KCNIP1: variants seen among roughly 807,000 people sequenced by gnomAD.
KCNIP1 encodes the protein A-type potassium channel modulatory protein KCNIP1.
KCNIP1 carries 18 observed loss-of-function variants against 33.0 expected under a neutral mutation model. That is an observed-to-expected ratio of 0.55 (90% CI 0.38 to 0.81). The LOEUF (loss-of-function observed/expected upper bound fraction) is 0.81. Ranked by LOEUF, KCNIP1 falls within the 30% of genes least tolerant of loss-of-function variation. The pLI is 0.00. For synonymous variants in KCNIP1, 93 were observed against 98.3 expected, an observed-to-expected ratio of 0.95 and a Z score of 0.32; for missense variants, 238 against 271.6, an observed-to-expected ratio of 0.88 and a Z score of 0.87.
At chr5:170,671,020 T>C (rs1484814786) in intron 1 of KCNIP1, among the ~76,000 whole-genome samples, 3 of 152,126 alleles carry the variant, frequency 2.0e-5, no homozygotes, top group Non-Finnish European at 2.9e-5. Flanking sequence ...TGTGGTCCTT[T>C]AGGCATTAAC....
At chr5:170,551,552 G>T (rs1756634822) in intron 1 of KCNIP1, among the ~76,000 whole-genome samples, 1 of 152,222 alleles carries the variant, frequency 6.6e-6, no homozygotes, top group Non-Finnish European at 1.5e-5. Context: ...GAATCCAGAT[G>T]AGTCTGAAAG....
chr5:170,354,135 A>T (rs1024294109), intron 1 of KCNIP1, among the ~76,000 whole-genome samples: 1 of 152,178 alleles, frequency 6.6e-6, no homozygotes, highest in Admixed American at 6.5e-5. Flanking sequence ...GGCTTTGAGT[A>T]GGCGGGCACC....
At chr5:170,483,007 T>TA (rs1204033632) in intron 1 of KCNIP1, 1 of 437,456 alleles carries the variant, frequency 2.3e-6, no homozygotes, top group Non-Finnish European at 4.5e-6. Flanking sequence ...AATTTTAAAT[T>TA]AAAGTATGAG....
intron 1 of KCNIP1, among the ~76,000 whole-genome samples, chr5:170,483,573 G>A (rs771762094): frequency 1.3e-5 from 2 of 152,150 alleles, no homozygotes; most frequent in Non-Finnish European, 2.9e-5. Flanking sequence ...GTTCCAGATG[G>A]TTGGGACAAC....
At chr5:170,428,667 C>T (rs536081222) in intron 1 of KCNIP1, among the ~76,000 whole-genome samples, 12 of 152,180 alleles carry the variant, frequency 7.9e-5, no homozygotes, top group Non-Finnish European at 1.0e-4. Context: ...CATAGCCTCA[C>T]GAAACCACCT....
chr5:170,359,825 A>G (rs1478611252), intron 1 of KCNIP1, among the ~76,000 whole-genome samples: 4 of 152,166 alleles, frequency 2.6e-5, no homozygotes, highest in Admixed American at 1.3e-4. Context: ...TAGGGTCTCC[A>G]TAGTCCCACA....
At chr5:170,579,373 T>C (rs1438254493) in intron 1 of KCNIP1, among the ~76,000 whole-genome samples, 2 of 152,170 alleles carry the variant, frequency 1.3e-5, no homozygotes, top group Admixed American at 6.5e-5. Context: ...CAAATAGTTA[T>C]GATGAAGGTG....
At chr5:170,581,624 A>T (rs1757798660) in intron 1 of KCNIP1, among the ~76,000 whole-genome samples, 1 of 152,258 alleles carries the variant, frequency 6.6e-6, no homozygotes, top group South Asian at 2.1e-4. Flanking sequence ...GACTTTCTGC[A>T]CATGCTGCCT....
intron 1 of KCNIP1, among the ~76,000 whole-genome samples, chr5:170,649,221 A>G (rs1276315041): frequency 1.3e-5 from 2 of 152,222 alleles, no homozygotes; most frequent in Non-Finnish European, 2.9e-5. Context: ...TTGTTGCAGT[A>G]TCATTTCAAC....
rs1308404004 is a variant in KCNIP1 at position 170,504,448 on chromosome 5, T to C, written c.-125T>C. ...CCTCCACGCTTGCTGAATACCAAGC[T>C]GCAGGCGAGCTGCCGGGCGCTTTTC... On this transcript the variant is annotated 5_prime_UTR_variant, in exon 1 of 8. Coordinates refer to ENST00000328939, the MANE Select transcript of KCNIP1 (RefSeq NM_014592.4). This position sits in a 1 kb window ranked among gnomAD's most constrained non-coding sequence, Gnocchi z 6.0. 4 of 1,535,518 alleles carry C rather than the reference T, an allele frequency of 2.6e-6. No homozygotes were observed. The African/African-American group carries it at 5.5e-5, about 21-fold the overall frequency.
chr5:170,434,848 G>A (rs113629091), intron 1 of KCNIP1, among the ~76,000 whole-genome samples: 172 of 152,282 alleles, frequency 1.1e-3, no homozygotes, highest in African/African-American at 3.9e-3. Flanking sequence ...CCAGCTACTC[G>A]GGAGGCTGAG....
intron 1 of KCNIP1, among the ~76,000 whole-genome samples, chr5:170,605,961 G>A (rs1486077945): frequency 1.3e-5 from 2 of 152,052 alleles, no homozygotes; most frequent in African/African-American, 2.4e-5. Context: ...TTTTAGTAGC[G>A]ACGGGGTTTT....
chr5:170,720,293 T>C (rs1763774231), intron 2 of KCNIP1, 28 bp from the exon 3 acceptor site: 2 of 1,584,762 alleles, frequency 1.3e-6, no homozygotes, highest in Middle Eastern at 1.7e-4. Flanking sequence ...CTCAAATGCC[T>C]CCCGCTGACT....
At chr5:170,608,873 T>C (rs1759036089) in intron 1 of KCNIP1, among the ~76,000 whole-genome samples, 1 of 152,122 alleles carries the variant, frequency 6.6e-6, no homozygotes, top group Admixed American at 6.5e-5. Flanking sequence ...AAAATCTCCT[T>C]TGCTAGAGGA....
At chr5:170,391,864 G>A (rs768340318) in intron 1 of KCNIP1, among the ~76,000 whole-genome samples, 1 of 152,188 alleles carries the variant, frequency 6.6e-6, no homozygotes, top group Non-Finnish European at 1.5e-5. Flanking sequence ...CACATAGTAT[G>A]GAGATTGTCC....
intron 2 of KCNIP1, 58 bp from the exon 3 acceptor site, chr5:170,720,263 G>A: frequency 7.9e-7 from 1 of 1,272,980 alleles, no homozygotes; most frequent in South Asian, 1.2e-5. Context: ...GCTGGGCCCA[G>A]TCTTCTCCTA....
intron 5 of KCNIP1, among the ~76,000 whole-genome samples, chr5:170,726,345 A>G (rs754131671): frequency 1.1e-4 from 16 of 152,340 alleles, no homozygotes; most frequent in Admixed American, 2.0e-4. Flanking sequence ...TTAAGAAAAG[A>G]AGATATATGA....
intron 1 of KCNIP1, among the ~76,000 whole-genome samples, chr5:170,456,350 C>T (rs1756374154): frequency 6.6e-6 from 1 of 151,974 alleles, no homozygotes; most frequent in Admixed American, 6.6e-5. Context: ...AGGACAAATA[C>T]CTCATGCATA....
rs1754614262 is a variant in KCNIP1, at chr5:170,504,261, T to C, written c.-312T>C. On this transcript the variant is annotated 5_prime_UTR_variant, in exon 1 of 8. Coordinates refer to ENST00000328939, the MANE Select transcript of KCNIP1 (RefSeq NM_014592.4). This position sits in a 1 kb window ranked among gnomAD's most constrained non-coding sequence, Gnocchi z 6.0. ...GCGGCCGCTCTGGCCCCGTGTCCAG[T>C]GCCAGGCAGGCTTCAGGGCACCGTC... is the stretch of plus-strand genomic sequence containing the variant. 8.6e-7 allele frequency: 1 copy of C among 1,164,018 alleles called. No homozygotes were observed. The highest frequency in any genetic ancestry group is 3.3e-5 in the South Asian group (1 of 30,530). The allele number at this position is 1,164,018 out of a possible 1,614,324, so 72.1% of individuals were successfully genotyped here. A position where few individuals can be genotyped will look rare whatever the true frequency, so the allele number is the denominator to read the frequency against.
Sources: allele counts gnomAD v4.1 joint callset (sites outside exome capture counted in the v4.1 genomes callset), GRCh38; gene constraint gnomAD v4.1.1; non-coding constraint Gnocchi (gnomAD v3.1); transcripts MANE v1.5; gene names NCBI Gene and HGNC (gene_info 2026-07-23, HGNC 2026-07-21).